The following NNT variants were observed in gnomAD, a reference collection of about 807,000 sequenced individuals.
NNT encodes the protein NAD(P) transhydrogenase, mitochondrial.
Under a neutral mutation model 104.8 loss-of-function variants are expected in NNT, and 50 were observed. The ratio of observed to expected loss-of-function variants is 0.48; its 90% CI spans 0.38 to 0.60. The LOEUF is 0.60. NNT is among the 20% of genes least tolerant of loss of function. The pLI, the probability that NNT is intolerant of heterozygous loss-of-function variation, is 0.00. For missense variants in NNT, 1,131 were observed against 1,330.7 expected (o/e 0.85, Z 2.33); for synonymous variants, 461 against 490.4 (o/e 0.94, Z 0.79).
At chr5:43,635,336 C>T (rs764720152) in intron 7 of NNT, among the ~76,000 whole-genome samples, 25 of 152,134 alleles carry the variant, frequency 1.6e-4, no homozygotes, top group Non-Finnish European at 3.2e-4. Context: ...ATGAAGGTTG[C>T]TCTGGGACTG....
intron 17 of NNT, among the ~76,000 whole-genome samples, chr5:43,673,092 G>T (rs112546115): frequency 1.3e-3 from 197 of 152,358 alleles, no homozygotes; most frequent in African/African-American, 4.4e-3. Context: ...CCAGGCATGG[G>T]CTATAATCTG....
rs771773703 is a variant in NNT, at chr5:43,675,684, G to T, written c.2794+14G>T. ...TTATTACACCAGGTAAAGAAAAAAA[G>T]CAAAAGCAAATAACCTATAATAGCT... On this transcript the variant is annotated intron_variant, in intron 18 of 21. Coordinates refer to ENST00000344920, the MANE Select transcript of NNT (RefSeq NM_182977.3). 53 of 1,574,002 alleles carry T rather than the reference G, an allele frequency of 3.4e-5. No homozygotes were observed. The highest frequency in any genetic ancestry group is 4.6e-5 in the Non-Finnish European group (53 of 1,160,836).
chr5:43,643,297 A>G (rs1416872667), intron 7 of NNT, among the ~76,000 whole-genome samples: 1 of 152,212 alleles, frequency 6.6e-6, no homozygotes, highest in Non-Finnish European at 1.5e-5. Context: ...TGTTTTATGA[A>G]ATGTGAACAC....
chr5:43,658,355 TA>T (rs67454850), intron 16 of NNT, among the ~76,000 whole-genome samples: 5,134 of 152,260 alleles, frequency 0.034, 134 homozygotes, highest in East Asian at 0.12. Context: ...ACATGTGAAA[TA>T]AAAAGCAAAA....
chr5:43,683,134 C>T (rs758463042), intron 19 of NNT, among the ~76,000 whole-genome samples: 7 of 152,178 alleles, frequency 4.6e-5, no homozygotes, highest in South Asian at 4.1e-4. Context: ...GCTGCCTTCT[C>T]GAAAAACATG....
At chr5:43,627,350 G>A (rs935822558) in intron 6 of NNT, among the ~76,000 whole-genome samples, 2 of 152,184 alleles carry the variant, frequency 1.3e-5, no homozygotes, top group African/African-American at 4.8e-5. Context: ...CTTCCCTGAT[G>A]ACAAGGATGA....
chr5:43,655,287 T>C (rs76576085), intron 14 of NNT, among the ~76,000 whole-genome samples: 11 of 152,290 alleles, frequency 7.2e-5, no homozygotes, highest in Non-Finnish European at 1.3e-4. Flanking sequence ...TGGGTGTTCA[T>C]TGGAGTTGGG....
At chr5:43,613,415 G>A (rs1209897527) in intron 3 of NNT, 3 of 347,074 alleles carry the variant, frequency 8.6e-6, no homozygotes, top group Non-Finnish European at 1.6e-5. Context: ...GGAAAAATTT[G>A]TTCTACATGG....
Position 43,644,617 on chromosome 5 carries a change from A to G in NNT, c.1105A>G (p.Thr369Ala). The G allele has an allele frequency of 6.2e-7, 1 of 1,604,866 alleles. No homozygotes were observed. Among genetic ancestry groups the G allele is most frequent in the Non-Finnish European group, 8.5e-7 (1 of 1,176,716 alleles). The stretch of plus-strand genomic sequence containing the variant: ...TATAATTTTGTTCATTTAGGGAATT[A>G]CTCACATAGGCTACACAGACCTGCC... The part of the protein sequence containing the change: ...PGELYIHKGI[T>A]HIGYTDLPSR... The change falls in exon 9 of 22, where the codon ACT (threonine) becomes GCT (alanine). Residue 369 changes from threonine (T) to alanine (A), a missense_variant. By Grantham distance (58) the Thr-to-Ala change is moderately conservative. Coordinates refer to ENST00000344920, the MANE Select transcript of NNT (RefSeq NM_182977.3).
At chr5:43,666,648 G>A (rs1451294232) in intron 17 of NNT, 2 of 563,352 alleles carry the variant, frequency 3.6e-6, no homozygotes, top group African/African-American at 3.7e-5. Context: ...TTTTTTTCCT[G>A]CCTCAGGTTT....
rs760218580 is a variant in NNT at position 43,702,754 on chromosome 5, T to C, written c.3111+18T>C. 5.9e-6 allele frequency: 9 copies of C among 1,521,934 alleles called. No homozygotes were observed. Among genetic ancestry groups the C allele is most frequent in the Non-Finnish European group, 2.7e-6 (3 of 1,103,994 alleles). 94.3% of individuals were successfully genotyped at this position (1,521,934 alleles called of 1,614,324 possible). ...CAAAGCAGGTAAAGTTTCAGACTTG[T>C]ATTTCATTCTGATAATCAAAGGTCA... On this transcript the variant is annotated intron_variant, in intron 21 of 21. Transcript: ENST00000344920.
At chr5:43,636,567 T>C (rs1463765134) in intron 7 of NNT, among the ~76,000 whole-genome samples, 1 of 152,210 alleles carries the variant, frequency 6.6e-6, no homozygotes, top group Non-Finnish European at 1.5e-5. Context: ...TTTTAAATTC[T>C]TTTGTAGTAA....
intron 17 of NNT, among the ~76,000 whole-genome samples, chr5:43,662,597 A>T (rs1740427886): frequency 6.6e-6 from 1 of 150,486 alleles, no homozygotes; most frequent in Non-Finnish European, 1.5e-5. Context: ...AGTTTTAATT[A>T]AAAAAAAAAT....
chr5:43,645,651 CTA>C lies in NNT; in HGVS notation c.1444+143_1444+144del, dbSNP rs1364068809. On this transcript the variant is annotated intron_variant, in intron 10 of 21. Transcript: ENST00000344920. ...CATATATATCTACACATCTATCTAT[CTA>C]TCTCTCTCTCTCTCTCTCTCTCTCT... 420 of 98,072 alleles carry C rather than the reference CTA, an allele frequency of 4.3e-3. 1 individual carries two copies. Among genetic ancestry groups the C allele is most frequent in the African/African-American group, 0.014 (295 of 20,482 alleles). 6.1% of individuals were successfully genotyped at this position (98,072 alleles called of 1,614,324 possible). A position where few individuals can be genotyped will look rare whatever the true frequency, so the allele number is the denominator to read the frequency against.
chr5:43,697,258 G>A (rs551786534), intron 19 of NNT, among the ~76,000 whole-genome samples: 9 of 152,248 alleles, frequency 5.9e-5, no homozygotes, highest in South Asian at 2.1e-4. Context: ...CACCTCTAGG[G>A]TGGGGTAAAA....
At chr5:43,656,106 T>A in intron 15 of NNT, 33 bp downstream of exon 15, 2 of 1,553,612 alleles carry the variant, frequency 1.3e-6, no homozygotes, top group Non-Finnish European at 1.8e-6. Flanking sequence ...GAGGTAAATA[T>A]CTACTGTTTA....
chr5:43,677,905 A>C (rs1741507471), intron 19 of NNT, 99 bp downstream of exon 19: 5 of 908,680 alleles, frequency 5.5e-6, no homozygotes, highest in African/African-American at 1.6e-5. Context: ...GGGTTAGGGC[A>C]CTGACCCGCC....
At chr5:43,665,804 A>C (rs1455884735) in intron 17 of NNT, among the ~76,000 whole-genome samples, 1 of 90,998 alleles carries the variant, frequency 1.1e-5, no homozygotes, top group Non-Finnish European at 3.2e-5. Context: ...CGGGGCAGCC[A>C]GGCAGAGGCG....
In NNT at chr5:43,632,702, C is replaced by A. The variant is rs1361263184; in HGVS notation, c.964+4315C>A. On this transcript the variant is annotated intron_variant, in intron 7 of 21. Coordinates refer to ENST00000344920, the MANE Select transcript of NNT (RefSeq NM_182977.3). ...AAGAAAAGCTCTCTACTTTCCTGTC[C>A]AGCTCGTTGACCTTTGGGGCTACCA... Among the ~76,000 whole-genome samples, 3 of 152,172 alleles carry A rather than the reference C, an allele frequency of 2.0e-5. No homozygotes were observed. In the South Asian group the frequency reaches 6.2e-4, roughly 31 times the overall value.
Sources: gnomAD v4.1 joint callset for allele counts (sites outside exome capture counted in the v4.1 genomes callset) on GRCh38, gnomAD v4.1.1 for gene constraint, MANE v1.5 for transcripts, NCBI Gene and HGNC (gene_info 2026-07-23, HGNC 2026-07-21) for gene names.